Variants in MMD2 observed in about 807,000 individuals in gnomAD.
MMD2 encodes monocyte to macrophage differentiation factor 2.
In MMD2, 30 loss-of-function variants were observed where a neutral mutation model predicts 33.5. The ratio of observed to expected loss-of-function variants is 0.90; its 90% CI spans 0.67 to 1.22. MMD2 has a LOEUF of 1.22. MMD2 is among the 50% of genes most tolerant of loss of function. The pLI, the probability that MMD2 is intolerant of heterozygous loss-of-function variation, is 0.00. For synonymous variants in MMD2, 129 were observed against 123.0 expected (o/e 1.05, Z -0.32); for missense variants, 364 against 325.4 (o/e 1.12, Z -0.91).
At chr7:4,953,769 C>A (rs545592020) in intron 1 of MMD2, among the ~76,000 whole-genome samples, 1 of 152,284 alleles carries the variant, frequency 6.6e-6, no homozygotes, top group South Asian at 2.1e-4. Context: ...CCGCACCCAG[C>A]CTCAGTCTCA....
chr7:4,911,432 C>T (rs921498728), intron 4 of MMD2, among the ~76,000 whole-genome samples, 186 bp from the exon 5 acceptor site: 5 of 152,142 alleles, frequency 3.3e-5, no homozygotes, highest in Non-Finnish European at 7.3e-5. Flanking sequence ...TAACTTGAAA[C>T]AGCAAGCAAT....
downstream of MMD2, among the ~76,000 whole-genome samples, chr7:4,901,096 C>T (rs772274588): frequency 1.3e-5 from 2 of 151,210 alleles, no homozygotes; most frequent in Non-Finnish European, 2.9e-5. Context: ...GCCAAGATCA[C>T]ACCACTGCAC....
chr7:4,926,403 G>C (rs951560231), intron 1 of MMD2, among the ~76,000 whole-genome samples: 3 of 152,016 alleles, frequency 2.0e-5, no homozygotes, highest in African/African-American at 7.3e-5. Context: ...CTCATTTCCT[G>C]TTTCTTATTT....
downstream of MMD2, among the ~76,000 whole-genome samples, chr7:4,901,560 A>G (rs1323329834): frequency 6.6e-6 from 1 of 152,266 alleles, no homozygotes; most frequent in Non-Finnish European, 1.5e-5. Flanking sequence ...CACGGAGAGG[A>G]TAAGGGACAG....
the MMD2 span, among the ~76,000 whole-genome samples, chr7:4,894,653 C>A: frequency 6.6e-6 from 1 of 152,048 alleles, no homozygotes; most frequent in Non-Finnish European, 1.5e-5. The surrounding 1 kb of genome is among the most constrained non-coding windows in gnomAD (Gnocchi z 4.3). Flanking sequence ...TCACTCAGCC[C>A]GCCCCTGGCC....
intron 1 of MMD2, among the ~76,000 whole-genome samples, chr7:4,939,388 T>C (rs565199832): frequency 5.3e-5 from 8 of 151,706 alleles, no homozygotes; most frequent in African/African-American, 1.9e-4. Context: ...AAAAAAAACT[T>C]AAAAATTAGC....
chr7:4,947,424 C>A (rs1448209115), intron 1 of MMD2, among the ~76,000 whole-genome samples: 1 of 149,168 alleles, frequency 6.7e-6, no homozygotes, highest in Non-Finnish European at 1.5e-5. Flanking sequence ...GACAGGGTCT[C>A]GCTCTGTTGC....
In MMD2 at chr7:4,946,109, GCGCACA is replaced by G. The variant is rs368391585; in HGVS notation, c.47+12856_47+12861del. 4.2e-4 allele frequency among the ~76,000 whole-genome samples: 61 copies of G among 144,504 alleles called. No individual in the cohort carries two copies. Among genetic ancestry groups the G allele is most frequent in the Non-Finnish European group, 8.1e-4 (53 of 65,740 alleles). The allele number at this position is 144,504 out of a possible 152,430, so 94.8% of individuals were successfully genotyped here. On this transcript the variant is annotated intron_variant, in intron 1 of 6. Coordinates refer to ENST00000401401, the MANE Select transcript of MMD2 (RefSeq NM_198403.4). The surrounding 1 kb of genome is among the most constrained non-coding windows in gnomAD (Gnocchi z 5.0). ...CGCACGCACACACACGCATGCACAC[GCGCACA>G]CGCACGCACACACCTGCACACGCAC... is the stretch of plus-strand genomic sequence containing the variant.
chr7:4,904,526 T>C (rs1439817470), downstream of MMD2, among the ~76,000 whole-genome samples: 1 of 152,152 alleles, frequency 6.6e-6, no homozygotes, highest in African/African-American at 2.4e-5. Context: ...CAGACTACAG[T>C]TGGAAATTCC....
At chr7:4,936,959 C>G (rs1004468931) in intron 1 of MMD2, among the ~76,000 whole-genome samples, 2 of 151,154 alleles carry the variant, frequency 1.3e-5, no homozygotes, top group East Asian at 4.0e-4. Context: ...TGGTCTCAAA[C>G]TCCTGACCTC....
Position 4,946,111 on chromosome 7 carries a change from G to A in MMD2, c.47+12860C>T, listed in dbSNP as rs568931345. On this transcript the variant is annotated intron_variant, in intron 1 of 6. Coordinates refer to ENST00000401401, the MANE Select transcript of MMD2 (RefSeq NM_198403.4). The surrounding 1 kb of genome is among the most constrained non-coding windows in gnomAD (Gnocchi z 5.0). ...CACGCACACACACGCATGCACACGC[G>A]CACACGCACGCACACACCTGCACAC... is the stretch of plus-strand genomic sequence containing the variant. Among the ~76,000 whole-genome samples the A allele has an allele frequency of 5.3e-4, 76 of 144,088 alleles. 1 individual carries two copies. The highest frequency in any genetic ancestry group is 1.8e-3 in the African/African-American group (68 of 38,608). 94.5% of individuals were successfully genotyped at this position (144,088 alleles called of 152,430 possible). A position where few individuals can be genotyped will look rare whatever the true frequency, so the allele number is the denominator to read the frequency against.
chr7:4,924,099 G>A (rs1170936080), intron 2 of MMD2, among the ~76,000 whole-genome samples: 1 of 152,216 alleles, frequency 6.6e-6, no homozygotes, highest in East Asian at 1.9e-4. Flanking sequence ...GGCTGAGGCA[G>A]GAGAATGGCA....
intron 3 of MMD2, 85 bp from the exon 4 acceptor site, chr7:4,916,164 G>C: frequency 1.5e-6 from 2 of 1,307,688 alleles, no homozygotes; most frequent in Non-Finnish European, 2.2e-6. Flanking sequence ...TGGACTGATC[G>C]TGCCTGCCTA....
At chr7:4,897,626 A>G in the MMD2 span, among the ~76,000 whole-genome samples, 1 of 152,236 alleles carries the variant, frequency 6.6e-6, no homozygotes, top group Non-Finnish European at 1.5e-5. Context: ...ACTGGTGGGA[A>G]GTGCATTCGG....
At chr7:4,915,880 C>G (rs901504327) in intron 4 of MMD2, 125 bp downstream of exon 4, 1 of 826,324 alleles carries the variant, frequency 1.2e-6, no homozygotes, top group Non-Finnish European at 1.9e-6. Context: ...AAAAGGGTGG[C>G]GGGAAGCTTT....
At chr7:4,917,132 T>A (rs1261759017) in intron 3 of MMD2, among the ~76,000 whole-genome samples, 1 of 152,118 alleles carries the variant, frequency 6.6e-6, no homozygotes, top group Non-Finnish European at 1.5e-5. Context: ...GGAGCTGACA[T>A]TCTAATGCTA....
At position 4,946,091 on chromosome 7, in the gene MMD2, A is replaced by G. The variant is rs902099038; in HGVS notation, c.47+12880T>C. 1.8e-4 allele frequency among the ~76,000 whole-genome samples: 28 copies of G among 151,422 alleles called. No homozygotes were observed. The highest frequency in any genetic ancestry group is 6.8e-4 in the African/African-American group (28 of 41,182). ...CACTCACACGCACGCACACGCACGC[A>G]CACACACGCATGCACACGCGCACAC... On this transcript the variant is annotated intron_variant, in intron 1 of 6. Transcript: ENST00000401401. This position sits in a 1 kb window ranked among gnomAD's most constrained non-coding sequence, Gnocchi z 5.0.
chr7:4,910,993 G>C (rs1784991892), intron 5 of MMD2, among the ~76,000 whole-genome samples, 152 bp downstream of exon 5: 2 of 152,098 alleles, frequency 1.3e-5, no homozygotes, highest in Non-Finnish European at 2.9e-5. Context: ...TGCAAGACCT[G>C]GTGGCCACCC....
intron 2 of MMD2, 36 bp downstream of exon 2, chr7:4,925,415 C>A: frequency 6.8e-7 from 1 of 1,473,890 alleles, no homozygotes; most frequent in East Asian, 2.5e-5. Flanking sequence ...GGAAGTGTCC[C>A]CATCTCAGCC....
Sources: allele counts gnomAD v4.1 joint callset (sites outside exome capture counted in the v4.1 genomes callset), GRCh38; gene constraint gnomAD v4.1.1; non-coding constraint Gnocchi (gnomAD v3.1); transcripts MANE v1.5; gene names NCBI Gene and HGNC (gene_info 2026-07-23, HGNC 2026-07-21).